Variants in CEP112 observed in about 807,000 individuals in gnomAD.
CEP112 encodes the protein centrosomal protein 112, also known as centrosomal protein of 112 kDa.
A neutral mutation model predicts 153.0 loss-of-function variants in CEP112; 127 were observed. That is an observed-to-expected ratio of 0.83 (90% CI 0.72 to 0.96). CEP112 has a LOEUF of 0.96. CEP112 is among the 40% of genes least tolerant of loss of function. The probability of loss-of-function intolerance (pLI) is 0.00; values close to 1 mark genes in which losing one functional copy is unlikely to be tolerated. For missense variants in CEP112, 1,089 were observed against 1,101.2 expected (o/e 0.99, Z 0.16); for synonymous variants, 358 against 374.4 (o/e 0.96, Z 0.51).
chr17:65,805,531 A>G (rs2055547296), intron 21 of CEP112, among the ~76,000 whole-genome samples: 1 of 152,230 alleles, frequency 6.6e-6, no homozygotes, highest in African/African-American at 2.4e-5. Context: ...TGATGTCTTT[A>G]GCATTTTTCG....
At position 65,879,586 on chromosome 17, in the gene CEP112, G is replaced by C. The variant is rs2058980030; in HGVS notation, c.2163+22566C>G. On this transcript the variant is annotated intron_variant, in intron 20 of 26. Coordinates refer to ENST00000535342, the MANE Select transcript of CEP112 (RefSeq NM_001199165.4). ...TCATCGAGCAGATAAGAAAAGCCAA[G>C]ACAAATAACTATGAAAGATAAACAG... is the stretch of plus-strand genomic sequence containing the variant. Among the ~76,000 whole-genome samples the C allele has an allele frequency of 2.0e-5, 3 of 152,074 alleles. No individual in the cohort carries two copies. In the South Asian group the frequency reaches 6.2e-4, roughly 32 times the overall value.
intron 8 of CEP112, among the ~76,000 whole-genome samples, chr17:66,077,416 A>G (rs1382819102): frequency 6.6e-6 from 1 of 152,236 alleles, no homozygotes. Context: ...AATGCTCTGC[A>G]AAGTCTCAGC....
At chr17:65,975,841 T>A (rs532703222) in intron 17 of CEP112, among the ~76,000 whole-genome samples, 1 of 152,224 alleles carries the variant, frequency 6.6e-6, no homozygotes, top group African/African-American at 2.4e-5. Flanking sequence ...GCATAACATG[T>A]GGAAAAGAAA....
intron 24 of CEP112, among the ~76,000 whole-genome samples, chr17:65,657,114 T>C (rs1400486523): frequency 6.6e-6 from 1 of 152,150 alleles, no homozygotes; most frequent in African/African-American, 2.4e-5. Context: ...GGGAGTTGGT[T>C]TCATCATGCT....
At chr17:66,058,286 A>G (rs12948397) in intron 11 of CEP112, among the ~76,000 whole-genome samples, 46,886 of 152,068 alleles carry the variant, frequency 0.31, 9,273 homozygotes, top group Non-Finnish European at 0.45. Flanking sequence ...GACAAAGGAA[A>G]GCAGGGGACT....
chr17:66,148,336 A>C (rs970771957), intron 4 of CEP112, among the ~76,000 whole-genome samples: 2 of 152,146 alleles, frequency 1.3e-5, no homozygotes, highest in African/African-American at 2.4e-5. Flanking sequence ...TCAAGGTAAG[A>C]TTTGGGTGGG....
chr17:65,835,396 G>C (rs1031858374), intron 21 of CEP112, among the ~76,000 whole-genome samples: 1 of 152,054 alleles, frequency 6.6e-6, no homozygotes, highest in Non-Finnish European at 1.5e-5. Flanking sequence ...AATCCCCAAG[G>C]CACACACTAA....
intron 19 of CEP112, among the ~76,000 whole-genome samples, chr17:65,924,565 A>T (rs571420755): frequency 6.6e-6 from 1 of 152,258 alleles, no homozygotes; most frequent in South Asian, 2.1e-4. Flanking sequence ...AATGGTAAAG[A>T]TCATCTTCTA....
intron 24 of CEP112, among the ~76,000 whole-genome samples, chr17:65,658,925 A>G (rs2046200174): frequency 1.3e-5 from 2 of 151,222 alleles, no homozygotes; most frequent in African/African-American, 4.9e-5. Context: ...AGATCAAGGA[A>G]AATAAGCAGA....
At chr17:65,827,141 G>A (rs2056873344) in intron 21 of CEP112, among the ~76,000 whole-genome samples, 1 of 152,200 alleles carries the variant, frequency 6.6e-6, no homozygotes, top group Non-Finnish European at 1.5e-5. Context: ...GCTTGCCAGG[G>A]GCTCTCAGGT....
At chr17:66,136,023 C>G (rs565376177) in intron 4 of CEP112, among the ~76,000 whole-genome samples, 1 of 152,222 alleles carries the variant, frequency 6.6e-6, no homozygotes, top group African/African-American at 2.4e-5. Flanking sequence ...TGTGAGACAT[C>G]CAGAGACCAG....
At chr17:65,770,171 G>A (rs527261957) in intron 21 of CEP112, among the ~76,000 whole-genome samples, 1 of 150,296 alleles carries the variant, frequency 6.7e-6, no homozygotes, top group Non-Finnish European at 1.5e-5. Context: ...CAAAAGATGA[G>A]ATAAATACAG....
chr17:66,115,905 C>T (rs2069267235), intron 6 of CEP112, among the ~76,000 whole-genome samples: 1 of 152,198 alleles, frequency 6.6e-6, no homozygotes, highest in Non-Finnish European at 1.5e-5. Flanking sequence ...CTCAGCTGGA[C>T]TTCCTTGTCT....
intron 4 of CEP112, among the ~76,000 whole-genome samples, chr17:66,161,919 A>G (rs1218279375): frequency 2.0e-5 from 3 of 152,102 alleles, no homozygotes; most frequent in Non-Finnish European, 2.9e-5. Context: ...TTAAAGTATA[A>G]TTTTCTTAAA....
chr17:66,186,042 C>G (rs2072919300), intron 1 of CEP112, among the ~76,000 whole-genome samples: 1 of 151,932 alleles, frequency 6.6e-6, no homozygotes, highest in Non-Finnish European at 1.5e-5. Flanking sequence ...CTCTCTCTCT[C>G]TCTCCCCACC....
At chr17:66,073,937 AAAAAG>A (rs2067391085) in intron 8 of CEP112, among the ~76,000 whole-genome samples, 1 of 152,168 alleles carries the variant, frequency 6.6e-6, no homozygotes, top group South Asian at 2.1e-4. Flanking sequence ...CAAAAAAATA[AAAAAG>A]AAAAGAAAAT....
chr17:65,787,805 T>C (rs1173703755), intron 21 of CEP112, among the ~76,000 whole-genome samples: 1 of 152,238 alleles, frequency 6.6e-6, no homozygotes, highest in Non-Finnish European at 1.5e-5. Flanking sequence ...TCCAATAGTT[T>C]ACTGATCCAC....
At chr17:65,860,882 A>G (rs1438934885) in intron 20 of CEP112, among the ~76,000 whole-genome samples, 2 of 152,216 alleles carry the variant, frequency 1.3e-5, no homozygotes, top group African/African-American at 4.8e-5. Flanking sequence ...TGAACACGCA[A>G]ATGAAATACA....
intron 21 of CEP112, among the ~76,000 whole-genome samples, chr17:65,761,989 T>C (rs1220884893): frequency 6.6e-6 from 1 of 152,168 alleles, no homozygotes; most frequent in Non-Finnish European, 1.5e-5. Context: ...ATAGTGGGTA[T>C]TAAAGTCTAC....
Sources: allele counts gnomAD v4.1 joint callset (sites outside exome capture counted in the v4.1 genomes callset), GRCh38; gene constraint gnomAD v4.1.1; transcripts MANE v1.5; gene names NCBI Gene and HGNC (gene_info 2026-07-23, HGNC 2026-07-21).